The following STEAP1B variants were observed in gnomAD, a reference collection of about 807,000 sequenced individuals.
The protein encoded by STEAP1B is STEAP family protein MGC87042.
Under a neutral mutation model 27.9 loss-of-function variants are expected in STEAP1B, and 13 were observed. That is an observed-to-expected ratio of 0.47 (90% CI 0.30 to 0.74). The LOEUF (loss-of-function observed/expected upper bound fraction) is 0.74, where lower values mean the gene tolerates loss of function less well. STEAP1B is among the 30% of genes least tolerant of loss of function. The probability of loss-of-function intolerance (pLI) is 0.06; values close to 1 mark genes in which losing one functional copy is unlikely to be tolerated. For missense variants in STEAP1B, 250 were observed against 298.7 expected (o/e 0.84, Z 1.20); for synonymous variants, 86 against 107.1 (o/e 0.80, Z 1.22).
chr7:22,471,622 A>G (rs1267280446), intron 4 of STEAP1B, among the ~76,000 whole-genome samples: 1 of 152,186 alleles, frequency 6.6e-6, no homozygotes, highest in Non-Finnish European at 1.5e-5. Context: ...ATTGTTTTCA[A>G]GGCCAGGTAC....
At chr7:22,424,067 AT>A (rs1785076676) in intron 4 of STEAP1B, among the ~76,000 whole-genome samples, 1 of 152,144 alleles carries the variant, frequency 6.6e-6, no homozygotes, top group Non-Finnish European at 1.5e-5. Flanking sequence ...AATTTATGGT[AT>A]GCAAGTTATA....
intron 4 of STEAP1B, among the ~76,000 whole-genome samples, chr7:22,449,026 G>C (rs972835246): frequency 6.6e-6 from 1 of 152,122 alleles, no homozygotes; most frequent in Admixed American, 6.5e-5. Context: ...TATATAGTAG[G>C]TGTATGTATT....
chr7:22,498,721 G>A (rs1182828730), intron 1 of STEAP1B, among the ~76,000 whole-genome samples: 3 of 152,232 alleles, frequency 2.0e-5, no homozygotes, highest in Non-Finnish European at 4.4e-5. Flanking sequence ...GCATGGGAAG[G>A]GAAGTAGAGG....
Position 22,425,675 on chromosome 7 carries a change from T to C in STEAP1B, c.763-5839A>G, listed in dbSNP as rs535753412. On this transcript the variant is annotated intron_variant, in intron 4 of 4. Coordinates refer to ENST00000678116, the MANE Select transcript of STEAP1B (RefSeq NM_001382447.1). ...ACTTTTAAAAAATCTTCTATAATTATCAAGGTACCAATGTTTATATTCCAA... is the reference window on the plus strand; with the variant it reads ...ACTTTTAAAAAATCTTCTATAATTACCAAGGTACCAATGTTTATATTCCAA... Among the ~76,000 whole-genome samples the C allele has an allele frequency of 3.1e-3, 475 of 152,312 alleles. 3 individuals carry two copies. The highest frequency in any genetic ancestry group is 0.011 in the African/African-American group (447 of 41,568).
chr7:22,477,704 A>G (rs1785995953), intron 4 of STEAP1B, among the ~76,000 whole-genome samples: 1 of 151,984 alleles, frequency 6.6e-6, no homozygotes, highest in Non-Finnish European at 1.5e-5. Flanking sequence ...AATTTTGTCT[A>G]CATAGTTTGC....
At chr7:22,453,069 C>G (rs1352864514) in intron 4 of STEAP1B, among the ~76,000 whole-genome samples, 1 of 152,232 alleles carries the variant, frequency 6.6e-6, no homozygotes, top group Non-Finnish European at 1.5e-5. Flanking sequence ...CTTCCACCAA[C>G]TCCCCTGCAG....
chr7:22,489,504 T>C (rs1310663862), intron 4 of STEAP1B, among the ~76,000 whole-genome samples: 2 of 152,174 alleles, frequency 1.3e-5, no homozygotes, highest in African/African-American at 4.8e-5. Flanking sequence ...TCTTTGCAGA[T>C]GATCAAGTTC....
intron 4 of STEAP1B, among the ~76,000 whole-genome samples, chr7:22,459,670 G>C (rs1785645216): frequency 6.6e-6 from 1 of 152,128 alleles, no homozygotes; most frequent in Non-Finnish European, 1.5e-5. Flanking sequence ...TATCTCACTT[G>C]CCAGTATTAT....
At chr7:22,480,994 G>A (rs1394865293) in intron 4 of STEAP1B, among the ~76,000 whole-genome samples, 1 of 152,194 alleles carries the variant, frequency 6.6e-6, no homozygotes, top group Non-Finnish European at 1.5e-5. Context: ...TTACCACTTA[G>A]GTGTTCACTA....
chr7:22,429,622 C>A (rs1245409923), intron 4 of STEAP1B, among the ~76,000 whole-genome samples: 1 of 152,106 alleles, frequency 6.6e-6, no homozygotes, highest in Non-Finnish European at 1.5e-5. Flanking sequence ...ACATCCTGAG[C>A]CAGACAGAGT....
intron 1 of STEAP1B, among the ~76,000 whole-genome samples, chr7:22,495,989 G>A (rs553413862): frequency 6.6e-6 from 1 of 152,164 alleles, no homozygotes; most frequent in Non-Finnish European, 1.5e-5. Flanking sequence ...GCCCTAGGCA[G>A]GTCCTTCAGG....
chr7:22,483,330 G>A (rs1786119279), intron 4 of STEAP1B, among the ~76,000 whole-genome samples: 1 of 152,202 alleles, frequency 6.6e-6, no homozygotes, highest in South Asian at 2.1e-4. Flanking sequence ...ACATATGGAT[G>A]AGGGGTACAG....
intron 4 of STEAP1B, among the ~76,000 whole-genome samples, chr7:22,452,658 T>G (rs752704814): frequency 6.6e-6 from 1 of 152,160 alleles, no homozygotes; most frequent in African/African-American, 2.4e-5. Flanking sequence ...AATAGATTGA[T>G]AGGCTGGGTC....
chr7:22,463,178 C>G (rs1785710702), intron 4 of STEAP1B, among the ~76,000 whole-genome samples: 1 of 151,684 alleles, frequency 6.6e-6, no homozygotes, highest in Non-Finnish European at 1.5e-5. Flanking sequence ...AACAGAGAGC[C>G]AAATCATGAG....
At position 22,493,800 on chromosome 7, in the gene STEAP1B, G is replaced by A. The variant is rs1786388797; in HGVS notation, c.121C>T (p.Pro41Ser). Residue 41 changes from proline (P) to serine (S), a missense_variant, in exon 3 of 5, where the codon CCT (proline) becomes TCT (serine). Physicochemically the swap from Pro to Ser is moderately conservative, Grantham distance 74. Coordinates refer to ENST00000678116, the MANE Select transcript of STEAP1B (RefSeq NM_001382447.1). ...DTGETSMLKRPVLLHLQQTAH... is the reference protein window; with the variant it reads ...DTGETSMLKRSVLLHLQQTAH... Reference sequence around the variant, plus strand: ...GTTTGCTGCAAATGCAAAAGCACAGGTCTTTTTAGCATGCTGGTCTCTCCC... The same window carrying A: ...GTTTGCTGCAAATGCAAAAGCACAGATCTTTTTAGCATGCTGGTCTCTCCC... The A allele has an allele frequency of 1.9e-6, 3 of 1,612,966 alleles. No homozygotes were observed. The highest frequency in any genetic ancestry group is 1.1e-5 in the South Asian group (1 of 91,052).
intron 4 of STEAP1B, among the ~76,000 whole-genome samples, chr7:22,460,311 G>A (rs1246263795): frequency 1.4e-5 from 2 of 147,928 alleles, no homozygotes; most frequent in East Asian, 4.0e-4. Context: ...CTGGGCAACA[G>A]GGTGAGACCC....
At chr7:22,450,165 G>A (rs756917390) in intron 4 of STEAP1B, among the ~76,000 whole-genome samples, 2 of 152,064 alleles carry the variant, frequency 1.3e-5, no homozygotes, top group Non-Finnish European at 2.9e-5. Context: ...TTTTGCTTTG[G>A]TTGCCTGTGC....
At chr7:22,457,318 T>C (rs1032206456) in intron 4 of STEAP1B, among the ~76,000 whole-genome samples, 22 of 152,100 alleles carry the variant, frequency 1.4e-4, no homozygotes, top group African/African-American at 5.3e-4. Context: ...AAAAGGTGAT[T>C]ACCCTGAGTA....
chr7:22,440,724 G>T (rs1785320674), intron 4 of STEAP1B, among the ~76,000 whole-genome samples: 1 of 152,074 alleles, frequency 6.6e-6, no homozygotes, highest in South Asian at 2.1e-4. Flanking sequence ...CTTGTTTTCA[G>T]AATGTGGCTT....
Sources: gnomAD v4.1 joint callset for allele counts (sites outside exome capture counted in the v4.1 genomes callset) on GRCh38, gnomAD v4.1.1 for gene constraint, MANE v1.5 for transcripts, NCBI Gene and HGNC (gene_info 2026-07-23, HGNC 2026-07-21) for gene names.